The following FOCAD variants were observed in gnomAD, a reference collection of about 807,000 sequenced individuals.
FOCAD encodes focadhesin, also known as KIAA1797.
FOCAD carries 198 observed loss-of-function variants against 225.6 expected under a neutral mutation model. The observed-to-expected ratio is 0.88, with a 90% CI of 0.78 to 0.99. The LOEUF (loss-of-function observed/expected upper bound fraction) is 0.99, where lower values mean the gene tolerates loss of function less well. Ranked by LOEUF, FOCAD falls within the 50% of genes least tolerant of loss-of-function variation. The pLI, the probability that FOCAD is intolerant of heterozygous loss-of-function variation, is 0.00. For synonymous variants in FOCAD, 897 were observed against 755.0 expected (o/e 1.19, Z -3.08); for missense variants, 2,713 against 2,123.6 (o/e 1.28, Z -5.46).
intron 1 of FOCAD, among the ~76,000 whole-genome samples, chr9:20,706,621 A>G (rs1400504593): frequency 6.6e-6 from 1 of 152,168 alleles, no homozygotes; most frequent in African/African-American, 2.4e-5. Flanking sequence ...TGTCATGATG[A>G]CTTTCCTTTT....
chr9:20,823,315 C>A lies in FOCAD; in HGVS notation c.1920+200C>A, dbSNP rs17759424. Among the ~76,000 whole-genome samples the A allele has an allele frequency of 0.1, 15,366 of 152,044 alleles. 1,099 individuals are homozygous for A. The highest frequency in any genetic ancestry group is 0.25 in the East Asian group (1,313 of 5,158). On this transcript the variant is annotated intron_variant, in intron 15 of 43. Coordinates refer to ENST00000338382, the MANE Select transcript of FOCAD (RefSeq NM_001375567.1). ...ATCTTGAAACATCCAGTCATGTAGG[C>A]ATTCTCTAGAGATCAAAGAAAACCA...
rs2132635748 is a variant in FOCAD, at chr9:20,982,447, G to A, written c.4728+1G>A. 5 of 1,610,154 alleles carry A rather than the reference G, an allele frequency of 3.1e-6. No homozygotes were observed. The highest frequency in any genetic ancestry group is 4.2e-6 in the Non-Finnish European group (5 of 1,176,728). Reference sequence around the variant, plus strand: ...CAATCGGATCGCCCAGGTTACTAAGGTAATAACATATCTTTCTATACCTTT... The same window carrying A: ...CAATCGGATCGCCCAGGTTACTAAGATAATAACATATCTTTCTATACCTTT... On this transcript the variant is annotated splice_donor_variant, in intron 39 of 43. Transcript: ENST00000338382. LOFTEE classifies it high-confidence loss of function.
chr9:20,684,161 A>C (rs1385851285), upstream of FOCAD: 2 of 152,198 alleles, frequency 1.3e-5, no homozygotes, highest in African/African-American at 4.8e-5. Flanking sequence ...CCCCAGCCGG[A>C]GGAGGCGGAA....
rs542537173 is a variant in FOCAD at position 20,696,247 on chromosome 9, T to G, written c.-33+11954T>G. 4.6e-5 allele frequency among the ~76,000 whole-genome samples: 7 copies of G among 152,340 alleles called. No individual in the cohort carries two copies. In the South Asian group the frequency reaches 1.4e-3, roughly 32 times the overall value. ...CCTTTGACCAAATGGAGACCTAATGTATATATAACATGGTGACTATACTTA... is the reference window on the plus strand; with the variant it reads ...CCTTTGACCAAATGGAGACCTAATGGATATATAACATGGTGACTATACTTA... On this transcript the variant is annotated intron_variant, in intron 1 of 43. Coordinates refer to ENST00000338382, the MANE Select transcript of FOCAD (RefSeq NM_001375567.1).
At position 20,761,318 on chromosome 9, in the gene FOCAD, A is replaced by G. The variant is rs536332967; in HGVS notation, c.494+3127A>G. Reference sequence around the variant, plus strand: ...TTACTTTAAGATTATCTAGTCTAACATAATTTTTCAGATGAGAGAACCGAG... The same window carrying G: ...TTACTTTAAGATTATCTAGTCTAACGTAATTTTTCAGATGAGAGAACCGAG... On this transcript the variant is annotated intron_variant, in intron 6 of 43. Transcript: ENST00000338382. 3.3e-5 allele frequency among the ~76,000 whole-genome samples: 5 copies of G among 152,320 alleles called. No individual in the cohort carries two copies. In the East Asian group the frequency reaches 7.7e-4, roughly 24 times the overall value.
chr9:20,966,495 T>C (rs1839267389), intron 35 of FOCAD, among the ~76,000 whole-genome samples: 1 of 152,164 alleles, frequency 6.6e-6, no homozygotes, highest in South Asian at 2.1e-4. Context: ...GATAATACCC[T>C]TTAATGAACA....
Position 20,837,577 on chromosome 9 carries a change from A to T in FOCAD, c.1920+14462A>T, listed in dbSNP as rs541877734. ...TTGGGAGGGGGGTTGGTAAATGGGGACAGGGAGTGTAGAGACAGAGTCACT... is the reference window on the plus strand; with the variant it reads ...TTGGGAGGGGGGTTGGTAAATGGGGTCAGGGAGTGTAGAGACAGAGTCACT... On this transcript the variant is annotated intron_variant, in intron 15 of 43. Coordinates refer to ENST00000338382, the MANE Select transcript of FOCAD (RefSeq NM_001375567.1). Among the ~76,000 whole-genome samples the T allele has an allele frequency of 2.0e-5, 3 of 151,970 alleles. No homozygotes were observed. The East Asian group carries it at 5.8e-4, about 29-fold the overall frequency.
At chr9:20,663,746 T>C (rs557055943) in intron 2 of FOCAD, among the ~76,000 whole-genome samples, 119 of 152,330 alleles carry the variant, frequency 7.8e-4, no homozygotes, top group African/African-American at 2.7e-3. Context: ...CACAGTATTT[T>C]CTGAAAGACT....
chr9:20,912,317 T>A (rs934391534), intron 22 of FOCAD, among the ~76,000 whole-genome samples: 1 of 151,970 alleles, frequency 6.6e-6, no homozygotes, highest in Non-Finnish European at 1.5e-5. Flanking sequence ...GTTAGCAATA[T>A]TTTTTTTCAC....
chr9:20,703,290 G>A (rs1417849513), intron 1 of FOCAD, among the ~76,000 whole-genome samples: 2 of 152,072 alleles, frequency 1.3e-5, no homozygotes, highest in Non-Finnish European at 1.5e-5. Context: ...TGAGGGGCCT[G>A]AGAGTTCTAG....
intron 2 of FOCAD, among the ~76,000 whole-genome samples, chr9:20,659,878 C>T (rs570731287): frequency 4.6e-5 from 7 of 152,232 alleles, no homozygotes; most frequent in African/African-American, 9.6e-5. Flanking sequence ...CAGTGACCAT[C>T]GGAGTGGTGC....
intron 11 of FOCAD, among the ~76,000 whole-genome samples, chr9:20,804,748 T>C (rs1822225647): frequency 6.6e-6 from 1 of 152,146 alleles, no homozygotes; most frequent in Admixed American, 6.6e-5. Context: ...TTCACCCTTT[T>C]ATGGTCTTTC....
upstream of FOCAD, among the ~76,000 whole-genome samples, chr9:20,655,795 T>C (rs948319440): frequency 2.0e-5 from 3 of 152,160 alleles, no homozygotes; most frequent in East Asian, 1.9e-4. Flanking sequence ...GCTCTGATTT[T>C]AGTTATTTCT....
intron 1 of FOCAD, among the ~76,000 whole-genome samples, chr9:20,689,748 C>G (rs2131340250): frequency 6.6e-6 from 1 of 152,274 alleles, no homozygotes; most frequent in Non-Finnish European, 1.5e-5. Context: ...TTCTCTGAAG[C>G]ATATGGCTAG....
intron 11 of FOCAD, among the ~76,000 whole-genome samples, chr9:20,801,812 C>G (rs1821871408): frequency 6.6e-6 from 1 of 152,084 alleles, no homozygotes; most frequent in Non-Finnish European, 1.5e-5. Context: ...TACGTGATAG[C>G]TGTAATTGAA....
At chr9:20,850,900 G>A (rs1252307605) in intron 15 of FOCAD, among the ~76,000 whole-genome samples, 1 of 149,494 alleles carries the variant, frequency 6.7e-6, no homozygotes, top group East Asian at 2.0e-4. Context: ...GCATGTTTAT[G>A]TATCAGTCTC....
chr9:20,730,454 T>C (rs1826593746), intron 4 of FOCAD, among the ~76,000 whole-genome samples: 1 of 152,198 alleles, frequency 6.6e-6, no homozygotes, highest in African/African-American at 2.4e-5. Flanking sequence ...CCAGTTACAT[T>C]TTCTTATAAA....
At chr9:20,757,382 T>C (rs1017132788) in intron 5 of FOCAD, among the ~76,000 whole-genome samples, 9 of 152,238 alleles carry the variant, frequency 5.9e-5, no homozygotes, top group African/African-American at 2.2e-4. Flanking sequence ...GGTTGTACTT[T>C]TTGTTTTTTT....
intron 14 of FOCAD, among the ~76,000 whole-genome samples, chr9:20,822,644 C>G (rs532426081): frequency 1.3e-5 from 2 of 152,174 alleles, no homozygotes; most frequent in African/African-American, 4.8e-5. Context: ...GCCAGAATAG[C>G]TCTATCTTTA....
Sources: gnomAD v4.1 joint callset for allele counts (sites outside exome capture counted in the v4.1 genomes callset) on GRCh38, gnomAD v4.1.1 for gene constraint, MANE v1.5 for transcripts, NCBI Gene and HGNC (gene_info 2026-07-23, HGNC 2026-07-21) for gene names.